The following TRHDE variants were observed in gnomAD, a reference collection of about 807,000 sequenced individuals.
TRHDE encodes the protein thyrotropin-releasing hormone-degrading ectoenzyme.
A neutral mutation model predicts 125.7 loss-of-function variants in TRHDE; 72 were observed. The ratio of observed to expected loss-of-function variants is 0.57; its 90% CI spans 0.47 to 0.70. The LOEUF (loss-of-function observed/expected upper bound fraction) is 0.70. Ranked by LOEUF, TRHDE falls within the 30% of genes least tolerant of loss-of-function variation. The pLI, the probability that TRHDE is intolerant of heterozygous loss-of-function variation, is 0.00. For missense variants in TRHDE, 1,110 were observed against 1,327.1 expected (o/e 0.84, Z 2.54); for synonymous variants, 509 against 509.1 (o/e 1.00, Z 0.00).
intron 7 of TRHDE, among the ~76,000 whole-genome samples, chr12:72,549,919 C>T (rs1334486027): frequency 6.6e-6 from 1 of 151,642 alleles, no homozygotes; most frequent in Non-Finnish European, 1.5e-5. Flanking sequence ...TGTTAACCGA[C>T]CAATGTGGCT....
intron 12 of TRHDE, among the ~76,000 whole-genome samples, chr12:72,593,835 G>A (rs556785508): frequency 6.6e-6 from 1 of 152,202 alleles, no homozygotes; most frequent in African/African-American, 2.4e-5. Context: ...TCCCTGCAAA[G>A]GACATGAACT....
chr12:72,244,477 A>T (rs1288047826), intron 2 of TRHDE, among the ~76,000 whole-genome samples: 1 of 152,130 alleles, frequency 6.6e-6, no homozygotes, highest in Admixed American at 6.6e-5. Context: ...CTAATTAAAC[A>T]AAAAGTACCA....
Position 72,370,305 on chromosome 12 carries a change from C to T in TRHDE, c.1189-7690C>T, listed in dbSNP as rs117750159. Among the ~76,000 whole-genome samples, 365 of 152,256 alleles carry T rather than the reference C, an allele frequency of 2.4e-3. 1 individual carries two copies. Among genetic ancestry groups the T allele is most frequent in the Admixed American group, 5.3e-3 (81 of 15,286 alleles). ...ACTGCCATCTCTCCAGTCCAAACCA[C>T]GGTTATCTTTCATCTGGACTTCTAC... On this transcript the variant is annotated intron_variant, in intron 2 of 18. Coordinates refer to ENST00000261180, the MANE Select transcript of TRHDE (RefSeq NM_013381.3).
intron 3 of TRHDE, 63 bp from the exon 4 acceptor site, chr12:72,469,695 G>A: frequency 6.5e-7 from 1 of 1,534,012 alleles, no homozygotes; most frequent in East Asian, 2.3e-5. Flanking sequence ...CACTTTTTAG[G>A]ATATAAATTC....
At chr12:72,598,306 T>C (rs1872063887) in intron 12 of TRHDE, among the ~76,000 whole-genome samples, 2 of 152,188 alleles carry the variant, frequency 1.3e-5, no homozygotes, top group Admixed American at 6.5e-5. Context: ...AGAGAAAACT[T>C]TACTTGATAA....
chr12:72,362,040 T>C (rs10879413), intron 2 of TRHDE, among the ~76,000 whole-genome samples: 14,165 of 14,364 alleles, frequency 0.99, 6,983 homozygotes, highest in Middle Eastern at 1. Context: ...CATGTGTCTT[T>C]ATAGCAGCAT....
At chr12:72,216,595 C>A (rs928814417) in intron 2 of TRHDE, among the ~76,000 whole-genome samples, 1 of 152,004 alleles carries the variant, frequency 6.6e-6, no homozygotes, top group Non-Finnish European at 1.5e-5. Flanking sequence ...AAATATGCAC[C>A]TTAAAGAGAA....
intron 9 of TRHDE, among the ~76,000 whole-genome samples, chr12:72,564,449 C>T (rs1185665365): frequency 6.6e-6 from 1 of 152,056 alleles, no homozygotes; most frequent in Non-Finnish European, 1.5e-5. Context: ...ACAAGCATCA[C>T]TGATGCAGAA....
At chr12:72,574,171 C>T (rs1259091552) in intron 10 of TRHDE, among the ~76,000 whole-genome samples, 1 of 151,890 alleles carries the variant, frequency 6.6e-6, no homozygotes, top group Non-Finnish European at 1.5e-5. Context: ...AAATGTATTC[C>T]TTCAAGGTAA....
intron 2 of TRHDE, among the ~76,000 whole-genome samples, chr12:72,222,970 C>A (rs990542335): frequency 1.3e-5 from 2 of 152,056 alleles, no homozygotes; most frequent in Non-Finnish European, 2.9e-5. Flanking sequence ...TTATTAATAT[C>A]TTTTATCAAA....
At chr12:72,130,182 C>T (rs1016571429) in intron 2 of TRHDE, among the ~76,000 whole-genome samples, 9 of 152,034 alleles carry the variant, frequency 5.9e-5, no homozygotes, top group Admixed American at 2.0e-4. Flanking sequence ...TGCCTGTAAT[C>T]CCAGCTACTC....
chr12:72,137,908 C>T (rs544075817), intron 2 of TRHDE, among the ~76,000 whole-genome samples: 6 of 152,242 alleles, frequency 3.9e-5, no homozygotes, highest in South Asian at 2.1e-4. Context: ...TTGAAAGAAG[C>T]GTGACATATA....
intron 9 of TRHDE, among the ~76,000 whole-genome samples, chr12:72,565,157 C>A (rs1217858530): frequency 6.6e-6 from 1 of 152,148 alleles, no homozygotes; most frequent in African/African-American, 2.4e-5. Flanking sequence ...CAATACGATT[C>A]TCTCTGGCCT....
intron 2 of TRHDE, chr12:72,257,906 A>C (rs1878854988): frequency 6.6e-6 from 1 of 152,196 alleles, no homozygotes; most frequent in African/African-American, 2.4e-5. Flanking sequence ...GGAGCAAGAA[A>C]AATTGCTGGA....
chr12:72,466,542 G>A (rs182932569), intron 3 of TRHDE, among the ~76,000 whole-genome samples: 2 of 152,264 alleles, frequency 1.3e-5, no homozygotes, highest in Admixed American at 1.3e-4. Context: ...ATTTAGACAA[G>A]GTGTTAAGGT....
At chr12:72,565,572 T>C (rs1870400619) in intron 9 of TRHDE, among the ~76,000 whole-genome samples, 1 of 152,218 alleles carries the variant, frequency 6.6e-6, no homozygotes, top group Non-Finnish European at 1.5e-5. Flanking sequence ...CCCTATACAC[T>C]GAGGAGCTTC....
At chr12:72,632,639 A>G (rs1485751134) in intron 15 of TRHDE, among the ~76,000 whole-genome samples, 2 of 151,362 alleles carry the variant, frequency 1.3e-5, no homozygotes, top group East Asian at 1.9e-4. Flanking sequence ...TCTTTTAGGT[A>G]TAATTGGTGC....
chr12:72,246,465 TA>T (rs1878578103), intron 2 of TRHDE, among the ~76,000 whole-genome samples: 1 of 152,212 alleles, frequency 6.6e-6, no homozygotes, highest in African/African-American at 2.4e-5. Flanking sequence ...CTCTGACTTA[TA>T]AAAAACATAT....
intron 2 of TRHDE, among the ~76,000 whole-genome samples, chr12:72,246,945 A>G (rs567665131): frequency 6.6e-6 from 1 of 152,346 alleles, no homozygotes; most frequent in South Asian, 2.1e-4. Flanking sequence ...CAGTTGGATG[A>G]AGATCAAAAT....
Sources: allele counts gnomAD v4.1 joint callset (sites outside exome capture counted in the v4.1 genomes callset), GRCh38; gene constraint gnomAD v4.1.1; transcripts MANE v1.5; gene names NCBI Gene and HGNC (gene_info 2026-07-23, HGNC 2026-07-21).